Variants in GGA2 observed in about 807,000 individuals in gnomAD.
The protein encoded by GGA2 is golgi associated, gamma adaptin ear containing, ARF binding protein 2.
In GGA2, 48 loss-of-function variants were observed where a neutral mutation model predicts 79.5. The observed-to-expected ratio is 0.60, with a 90% CI of 0.48 to 0.77. The LOEUF is 0.77. Ranked by LOEUF, GGA2 falls within the 30% of genes least tolerant of loss-of-function variation. The pLI, the probability that GGA2 is intolerant of heterozygous loss-of-function variation, is 0.00. For missense variants in GGA2, 770 were observed against 774.0 expected (o/e 0.99, Z 0.06); for synonymous variants, 317 against 302.0 (o/e 1.05, Z -0.51).
In GGA2 at chr16:23,506,136, C is replaced by A. The variant is rs376199237; in HGVS notation, c.91+4185G>T. Among the ~76,000 whole-genome samples, 5 of 152,294 alleles carry A rather than the reference C, an allele frequency of 3.3e-5. No homozygotes were observed. In the South Asian group the frequency reaches 1.0e-3, roughly 32 times the overall value. On this transcript the variant is annotated intron_variant, in intron 1 of 16. Transcript: ENST00000309859. ...TTACTCTCTTCCCATCTTAAAGATACAGCTGCCTTGTTTGCAGGGACCTGA... is the reference window on the plus strand; with the variant it reads ...TTACTCTCTTCCCATCTTAAAGATAAAGCTGCCTTGTTTGCAGGGACCTGA...
upstream of GGA2, among the ~76,000 whole-genome samples, chr16:23,513,418 C>T (rs1021573485): frequency 6.6e-6 from 1 of 152,106 alleles, no homozygotes; most frequent in Admixed American, 6.6e-5. Context: ...AAACCCCTCT[C>T]CCCTAAAGCC....
chr16:23,466,497 C>T lies in GGA2; in HGVS notation c.*1093G>A, dbSNP rs2142109235. 1 of 152,306 alleles carries T rather than the reference C, an allele frequency of 6.6e-6. No homozygotes were observed. Among genetic ancestry groups the T allele is most frequent in the Non-Finnish European group, 1.5e-5 (1 of 68,026 alleles). 9.4% of individuals were successfully genotyped at this position (152,306 alleles called of 1,614,324 possible). A position where few individuals can be genotyped will look rare whatever the true frequency, so the allele number is the denominator to read the frequency against. On this transcript the variant is annotated 3_prime_UTR_variant, in exon 17 of 17. Transcript: ENST00000309859. Reference sequence around the variant, plus strand: ...GCTTCTACATCCTTCATGAAGTTTCCTTTACTTCTCGACAGAAGACAGTTC... The same window carrying T: ...GCTTCTACATCCTTCATGAAGTTTCTTTTACTTCTCGACAGAAGACAGTTC...
chr16:23,505,464 A>T (rs548938978), intron 1 of GGA2, among the ~76,000 whole-genome samples: 2 of 152,310 alleles, frequency 1.3e-5, no homozygotes, highest in South Asian at 4.2e-4. Context: ...CAAGGCGGCT[A>T]CATCTGCAGT....
At chr16:23,488,319 C>T (rs1346775418) in intron 6 of GGA2, among the ~76,000 whole-genome samples, 2 of 152,092 alleles carry the variant, frequency 1.3e-5, no homozygotes, top group Non-Finnish European at 2.9e-5. Context: ...TGTCCTGGGC[C>T]CAGATCTACA....
intron 4 of GGA2, 34 bp downstream of exon 4, chr16:23,493,326 G>C: frequency 8.0e-7 from 1 of 1,257,108 alleles, no homozygotes; most frequent in Non-Finnish European, 1.2e-6. Flanking sequence ...GCGTAGGTGC[G>C]ACACAGTCAG....
intron 5 of GGA2, among the ~76,000 whole-genome samples, chr16:23,491,237 G>T (rs375311401): frequency 1.4e-5 from 2 of 147,126 alleles, no homozygotes; most frequent in East Asian, 4.1e-4. Flanking sequence ...AGTCCAGAAG[G>T]TCGAGGCTAC....
At chr16:23,495,655 G>T in intron 2 of GGA2, 39 bp downstream of exon 2, 3 of 1,136,920 alleles carry the variant, frequency 2.6e-6, no homozygotes, top group African/African-American at 1.5e-5. Context: ...AGTGTGGGGT[G>T]CCCCCAGAGT....
At chr16:23,502,322 T>C (rs1277752464) in intron 1 of GGA2, among the ~76,000 whole-genome samples, 4 of 152,178 alleles carry the variant, frequency 2.6e-5, no homozygotes, top group South Asian at 2.1e-4. Flanking sequence ...TCAGTTCATC[T>C]TACCCCAGGC....
chr16:23,505,388 G>C (rs933987880), intron 1 of GGA2, among the ~76,000 whole-genome samples: 1 of 152,104 alleles, frequency 6.6e-6, no homozygotes, highest in African/African-American at 2.4e-5. Flanking sequence ...TACCAACAGG[G>C]ACCCGGTTAA....
Position 23,486,771 on chromosome 16 carries a change from T to C in GGA2, c.599A>G (p.Lys200Arg). The change falls in exon 7 of 17, where the codon AAG becomes AGG. Residue 200 changes from lysine to arginine, a missense_variant. Lys to Arg is a conservative substitution (Grantham distance 26). Transcript: ENST00000309859. Reference sequence around the variant, plus strand: ...CTGAAGGTCCTCGGGGTGGTTGCTCTTTAGAAGCCTTGTCAGAAGCTGCAG... The same window carrying C: ...CTGAAGGTCCTCGGGGTGGTTGCTCCTTAGAAGCCTTGTCAGAAGCTGCAG... ...EKSKLLTRLLKSNHPEDLQAA... is the reference protein window; with the variant it reads ...EKSKLLTRLLRSNHPEDLQAA... The C allele has an allele frequency of 6.2e-7, 1 of 1,609,582 alleles. No individual in the cohort carries two copies. The highest frequency in any genetic ancestry group is 1.1e-5 in the South Asian group (1 of 90,990).
chr16:23,477,725 C>T (rs1033577265), intron 13 of GGA2, among the ~76,000 whole-genome samples: 13 of 152,146 alleles, frequency 8.5e-5, no homozygotes, highest in Admixed American at 7.2e-4. Flanking sequence ...CCACCCAGGG[C>T]GACAGAGCGA....
chr16:23,511,163 CTTT>C (rs769017795), upstream of GGA2, among the ~76,000 whole-genome samples: 2 of 151,168 alleles, frequency 1.3e-5, no homozygotes, highest in African/African-American at 4.9e-5. Context: ...TTCTTTTTTT[CTTT>C]TTTTGAGACG....
At chr16:23,493,952 G>C in intron 3 of GGA2, 1 of 340,488 alleles carries the variant, frequency 2.9e-6, no homozygotes, top group East Asian at 6.0e-5. Context: ...TAGCAACCCT[G>C]AGCCCATACT....
chr16:23,521,196 T>C (rs1965139379), intron 1 of GGA2, among the ~76,000 whole-genome samples: 5 of 152,202 alleles, frequency 3.3e-5, no homozygotes. Context: ...CGTATCTTTA[T>C]AATGTTGTGC....
chr16:23,513,422 T>C (rs113004637), upstream of GGA2, among the ~76,000 whole-genome samples: 1,713 of 152,162 alleles, frequency 0.011, 26 homozygotes, highest in African/African-American at 0.039. Context: ...CCCTCTCCCC[T>C]AAAGCCAGCC....
intron 13 of GGA2, among the ~76,000 whole-genome samples, chr16:23,478,037 T>TA (rs373374099): frequency 0.097 from 13,530 of 140,000 alleles, 1,108 homozygotes; most frequent in African/African-American, 0.23. Flanking sequence ...TACTAAAAAT[T>TA]AAAAAAAAAA....
intron 14 of GGA2, among the ~76,000 whole-genome samples, chr16:23,472,160 C>T (rs147039580): frequency 1.4e-5 from 2 of 144,670 alleles, no homozygotes; most frequent in South Asian, 2.2e-4. Flanking sequence ...GCCCTGGCAT[C>T]CAAAGATGTT....
intron 1 of GGA2, among the ~76,000 whole-genome samples, chr16:23,500,523 G>C (rs566410108): frequency 6.6e-6 from 1 of 151,808 alleles, no homozygotes; most frequent in Non-Finnish European, 1.5e-5. Context: ...AGCCCCAAGC[G>C]GGGCAGTGTG....
At chr16:23,493,273 G>A in intron 4 of GGA2, 87 bp downstream of exon 4, 3 of 811,686 alleles carry the variant, frequency 3.7e-6, no homozygotes, top group East Asian at 4.9e-5. Context: ...CCATGCGTGG[G>A]CCTGCCTCTG....
Sources: allele counts gnomAD v4.1 joint callset (sites outside exome capture counted in the v4.1 genomes callset), GRCh38; gene constraint gnomAD v4.1.1; transcripts MANE v1.5; gene names NCBI Gene and HGNC (gene_info 2026-07-23, HGNC 2026-07-21).